The following SPAG16 variants were observed in gnomAD, a reference collection of about 807,000 sequenced individuals.
The protein encoded by SPAG16 is sperm associated antigen 16.
In SPAG16, 86 loss-of-function variants were observed where a neutral mutation model predicts 80.4. The ratio of observed to expected loss-of-function variants is 1.07; its 90% CI spans 0.90 to 1.28. The LOEUF is 1.28. Ranked by LOEUF, SPAG16 falls within the 50% of genes most tolerant of loss-of-function variation. The pLI, the probability that SPAG16 is intolerant of heterozygous loss-of-function variation, is 0.00. For missense variants in SPAG16, 870 were observed against 765.3 expected (o/e 1.14, Z -1.61); for synonymous variants, 294 against 265.9 (o/e 1.11, Z -1.03).
At chr2:213,854,171 G>A (rs4427962) in intron 10 of SPAG16, among the ~76,000 whole-genome samples, 52,287 of 151,896 alleles carry the variant, frequency 0.34, 9,443 homozygotes, top group South Asian at 0.47. Flanking sequence ...AGTAATGTAC[G>A]ATGTTTATCA....
chr2:213,564,953 A>G (rs1053551197), intron 10 of SPAG16, among the ~76,000 whole-genome samples: 12 of 152,214 alleles, frequency 7.9e-5, no homozygotes, highest in Non-Finnish European at 1.6e-4. Flanking sequence ...AAATATTATA[A>G]TCACAAAAAT....
chr2:214,034,945 G>A (rs1056068142), intron 13 of SPAG16, among the ~76,000 whole-genome samples: 4 of 152,324 alleles, frequency 2.6e-5, no homozygotes, highest in Admixed American at 6.5e-5. Flanking sequence ...TGCCCAGGAA[G>A]AATGAGGTAT....
chr2:213,511,339 T>A (rs1382852650), intron 10 of SPAG16, among the ~76,000 whole-genome samples: 1 of 152,116 alleles, frequency 6.6e-6, no homozygotes, highest in East Asian at 1.9e-4. Context: ...CTAACATGAT[T>A]TGAAGGCTAG....
At chr2:213,628,218 CCTTTT>C (rs1162684196) in intron 10 of SPAG16, among the ~76,000 whole-genome samples, 1 of 152,186 alleles carries the variant, frequency 6.6e-6, no homozygotes, top group African/African-American at 2.4e-5. Flanking sequence ...AGATTTCCAG[CCTTTT>C]CTTATGAGGT....
intron 5 of SPAG16, among the ~76,000 whole-genome samples, chr2:213,333,993 CT>C (rs1245014062): frequency 6.6e-6 from 1 of 152,086 alleles, no homozygotes; most frequent in Non-Finnish European, 1.5e-5. Flanking sequence ...TAAAAAGCTT[CT>C]GCATAGAAAA....
At chr2:214,383,898 G>GC (rs1700602903) in intron 15 of SPAG16, among the ~76,000 whole-genome samples, 1 of 134,960 alleles carries the variant, frequency 7.4e-6, no homozygotes, top group Admixed American at 7.8e-5. Flanking sequence ...AGAGGCTGTT[G>GC]CAACAATTCA....
chr2:214,341,702 A>G (rs368834598), intron 15 of SPAG16, among the ~76,000 whole-genome samples: 1 of 152,206 alleles, frequency 6.6e-6, no homozygotes, highest in Non-Finnish European at 1.5e-5. Context: ...CCCTGAAGCA[A>G]TATCAGGATA....
At chr2:214,051,417 G>A (rs753859129) in intron 13 of SPAG16, among the ~76,000 whole-genome samples, 1 of 152,192 alleles carries the variant, frequency 6.6e-6, no homozygotes, top group Admixed American at 6.5e-5. Flanking sequence ...GAAATGGCCA[G>A]ATTTAGGGAA....
chr2:213,810,639 G>A (rs1284415940), intron 10 of SPAG16, among the ~76,000 whole-genome samples: 3 of 152,138 alleles, frequency 2.0e-5, no homozygotes, highest in South Asian at 4.1e-4. Context: ...TTTGAGGGAA[G>A]GAAGTCAATA....
intron 10 of SPAG16, among the ~76,000 whole-genome samples, chr2:213,660,400 G>C (rs559825170): frequency 6.6e-6 from 1 of 151,884 alleles, no homozygotes; most frequent in Non-Finnish European, 1.5e-5. Flanking sequence ...GTATACATAT[G>C]TATGTATGTA....
chr2:214,022,827 A>G (rs2047945388), intron 13 of SPAG16, among the ~76,000 whole-genome samples: 2 of 152,078 alleles, frequency 1.3e-5, no homozygotes, highest in Admixed American at 1.3e-4. Flanking sequence ...TTCCATTTAT[A>G]TTAACACCAA....
intron 12 of SPAG16, among the ~76,000 whole-genome samples, chr2:213,948,100 G>A (rs552762108): frequency 1.3e-5 from 2 of 152,108 alleles, no homozygotes; most frequent in African/African-American, 2.4e-5. Context: ...TAACTTCTCA[G>A]AATTAGTTTC....
In SPAG16 at chr2:213,879,636, C is replaced by T. The variant is rs150529879; in HGVS notation, c.1214+17008C>T. ...TTTTTCAAACCATGACCTTCTCCCT[C>T]CCTCCCCCTCCTTGTAGTCTGCCAT... On this transcript the variant is annotated intron_variant, in intron 11 of 15. Transcript: ENST00000331683. Among the ~76,000 whole-genome samples the T allele has an allele frequency of 1.1e-3, 165 of 152,046 alleles. No individual in the cohort carries two copies. In the Middle Eastern group the frequency reaches 0.014, roughly 13 times the overall value.
intron 15 of SPAG16, among the ~76,000 whole-genome samples, chr2:214,295,920 CAG>C (rs1694099183): frequency 6.6e-6 from 1 of 152,112 alleles, no homozygotes; most frequent in Non-Finnish European, 1.5e-5. Flanking sequence ...ATTTTAGATT[CAG>C]GGGATATATG....
chr2:214,005,544 G>A (rs747660812), intron 12 of SPAG16, among the ~76,000 whole-genome samples: 10 of 152,274 alleles, frequency 6.6e-5, no homozygotes, highest in Non-Finnish European at 1.0e-4. Flanking sequence ...CAGACCACGT[G>A]ATTTTCATAC....
chr2:214,175,245 G>A (rs970640525), intron 15 of SPAG16, among the ~76,000 whole-genome samples: 2 of 142,886 alleles, frequency 1.4e-5, no homozygotes, highest in Admixed American at 7.0e-5. Flanking sequence ...ATAAAGAAAT[G>A]TATATATATA....
intron 10 of SPAG16, among the ~76,000 whole-genome samples, chr2:213,575,588 G>A (rs2060096211): frequency 6.6e-6 from 1 of 152,016 alleles, no homozygotes; most frequent in Non-Finnish European, 1.5e-5. Context: ...TGTAAGTTCA[G>A]GTTGTTTAAT....
chr2:213,988,686 A>G (rs2046138997), intron 12 of SPAG16, among the ~76,000 whole-genome samples: 1 of 152,048 alleles, frequency 6.6e-6, no homozygotes, highest in South Asian at 2.1e-4. Flanking sequence ...TAAATTAAAA[A>G]AAAAAACATT....
chr2:213,704,870 A>G (rs993326094), intron 10 of SPAG16, among the ~76,000 whole-genome samples: 1 of 152,232 alleles, frequency 6.6e-6, no homozygotes, highest in Non-Finnish European at 1.5e-5. Context: ...GAACTGATGC[A>G]TAAAGTGGGG....
Sources: gnomAD v4.1 joint callset for allele counts (sites outside exome capture counted in the v4.1 genomes callset) on GRCh38, gnomAD v4.1.1 for gene constraint, MANE v1.5 for transcripts, NCBI Gene and HGNC (gene_info 2026-07-23, HGNC 2026-07-21) for gene names.